The following FXR2 variants were observed in gnomAD, a reference collection of about 807,000 sequenced individuals.
FXR2 encodes FMR1 autosomal homolog 2, also known as RNA-binding protein FXR2.
In FXR2, 9 loss-of-function variants were observed where a neutral mutation model predicts 87.3. The ratio of observed to expected loss-of-function variants is 0.10; its 90% CI spans 0.06 to 0.18. The LOEUF (loss-of-function observed/expected upper bound fraction) is 0.18. FXR2 is among the 10% of genes least tolerant of loss of function. The probability of loss-of-function intolerance (pLI) is 1.00; values close to 1 mark genes in which losing one functional copy is unlikely to be tolerated. For missense variants in FXR2, 661 were observed against 893.6 expected (o/e 0.74, Z 3.32); for synonymous variants, 331 against 328.3 (o/e 1.01, Z -0.09).
chr17:7,592,441 C>T lies in FXR2; in HGVS notation c.1825+63G>A, dbSNP rs2071670615. On this transcript the variant is annotated intron_variant, in intron 15 of 16. Coordinates refer to ENST00000250113, the MANE Select transcript of FXR2 (RefSeq NM_004860.4). This position sits in a 1 kb window ranked among gnomAD's most constrained non-coding sequence, Gnocchi z 4.8. ...ACTGAACCCGAACCCCTGATTTTCACAGGGGTGAGCATCCCATTCTCTCAG... is the reference window on the plus strand; with the variant it reads ...ACTGAACCCGAACCCCTGATTTTCATAGGGGTGAGCATCCCATTCTCTCAG... The T allele has an allele frequency of 6.4e-7, 1 of 1,564,166 alleles. No homozygotes were observed. The highest frequency in any genetic ancestry group is 1.1e-5 in the South Asian group (1 of 90,124).
intron 6 of FXR2, 81 bp downstream of exon 6, chr17:7,602,828 C>T (rs900856333): frequency 1.4e-6 from 1 of 723,002 alleles, no homozygotes; most frequent in South Asian, 1.6e-5. Flanking sequence ...TTAAGCCCTT[C>T]TCTTTCTGCA....
At chr17:7,612,840 C>CA (rs931890928) in intron 1 of FXR2, among the ~76,000 whole-genome samples, 17 of 151,276 alleles carry the variant, frequency 1.1e-4, no homozygotes, top group Non-Finnish European at 2.4e-4. Context: ...ACTAAAAATA[C>CA]AAAAAAATAG....
chr17:7,602,788 A>T, intron 6 of FXR2, 121 bp downstream of exon 6: 1 of 616,902 alleles, frequency 1.6e-6, no homozygotes, highest in East Asian at 2.8e-5. Flanking sequence ...GGAGCAATAA[A>T]GTCCTCTTGA....
chr17:7,595,683 A>C lies in FXR2; in HGVS notation c.831+141T>G, dbSNP rs2071701891. The C allele has an allele frequency of 6.3e-6, 4 of 635,960 alleles. No homozygotes were observed. The allele number at this position is 635,960 out of a possible 1,614,324, so 39.4% of individuals were successfully genotyped here. A position where few individuals can be genotyped will look rare whatever the true frequency, so the allele number is the denominator to read the frequency against. ...GGCTGGTCTCAAACTCCTAGGCTCA[A>C]GTGATCCTCTCACTTTGACCTCCGA... On this transcript the variant is annotated intron_variant, in intron 8 of 16. Transcript: ENST00000250113. The surrounding 1 kb of genome is among the most constrained non-coding windows in gnomAD (Gnocchi z 4.7).
At chr17:7,608,535 T>C (rs1189987947) in intron 1 of FXR2, among the ~76,000 whole-genome samples, 5 of 151,326 alleles carry the variant, frequency 3.3e-5, no homozygotes, top group Non-Finnish European at 5.9e-5. Context: ...TGAAAATCAC[T>C]TGAAGCCAGG....
chr17:7,603,099 C>A, intron 5 of FXR2, 97 bp from the exon 6 acceptor site: 2 of 655,652 alleles, frequency 3.1e-6, no homozygotes, highest in East Asian at 5.6e-5. Context: ...GTAATCCTAG[C>A]ACTTTGGGAG....
chr17:7,609,955 C>CATATATATGT (rs1555572226), intron 1 of FXR2, among the ~76,000 whole-genome samples: 11 of 86,414 alleles, frequency 1.3e-4, no homozygotes, highest in Admixed American at 1.1e-3. Flanking sequence ...TATATGTATA[C>CATATATATGT]ATATATATAC....
At position 7,591,928 on chromosome 17, in the gene FXR2, G is replaced by A. The variant is rs2071665040; in HGVS notation, c.1927-3C>T. ...GGAAGCTTGCTGACAGAGTCACCCT[G>A]AGGGGAAAGTGGGAAAGAAAACAGA... On this transcript the variant is annotated splice_polypyrimidine_tract_variant and splice_region_variant and intron_variant, in intron 16 of 16. Transcript: ENST00000250113. This position sits in a 1 kb window ranked among gnomAD's most constrained non-coding sequence, Gnocchi z 4.0. 1 of 1,545,772 alleles carries A rather than the reference G, an allele frequency of 6.5e-7. No individual in the cohort carries two copies. The highest frequency in any genetic ancestry group is 1.1e-5 in the South Asian group (1 of 89,350).
chr17:7,614,045 G>C, intron 1 of FXR2: 2 of 465,806 alleles, frequency 4.3e-6, no homozygotes, highest in South Asian at 3.1e-5. Context: ...TTCCCAAAGG[G>C]ACCGTGTGGA....
At chr17:7,598,127 C>A (rs192599516) in intron 7 of FXR2, among the ~76,000 whole-genome samples, 52 of 152,250 alleles carry the variant, frequency 3.4e-4, no homozygotes, top group Admixed American at 2.2e-3. Context: ...CCCCCCTTTC[C>A]ATCTGTCATT....
chr17:7,606,568 G>A (rs751516270), intron 1 of FXR2, among the ~76,000 whole-genome samples: 2 of 152,224 alleles, frequency 1.3e-5, no homozygotes, highest in Non-Finnish European at 2.9e-5. Context: ...TGTCGAGAGA[G>A]AAGGGCCTAC....
chr17:7,609,372 G>T (rs2071830502), intron 1 of FXR2, among the ~76,000 whole-genome samples: 1 of 152,048 alleles, frequency 6.6e-6, no homozygotes, highest in African/African-American at 2.4e-5. Context: ...CGTCTTTAGG[G>T]ATATGTCTTG....
At chr17:7,604,240 T>C (rs114529764) in intron 3 of FXR2, among the ~76,000 whole-genome samples, 160 bp from the exon 4 acceptor site, 4,653 of 152,042 alleles carry the variant, frequency 0.031, 218 homozygotes, top group African/African-American at 0.11. Flanking sequence ...AAGACCAGCT[T>C]GGGCAACATA....
intron 1 of FXR2, among the ~76,000 whole-genome samples, chr17:7,608,067 A>T (rs1023015113): frequency 6.6e-6 from 1 of 152,112 alleles, no homozygotes; most frequent in African/African-American, 2.4e-5. Flanking sequence ...CTGGGATTAC[A>T]GGTATGAACC....
rs2150939140 is a variant in FXR2 at position 7,591,441 on chromosome 17, A to G, written c.*389T>C. The G allele has an allele frequency of 4.5e-6, 1 of 224,466 alleles. No individual in the cohort carries two copies. Among genetic ancestry groups the G allele is most frequent in the South Asian group, 5.3e-5 (1 of 18,968 alleles). 13.9% of individuals were successfully genotyped at this position (224,466 alleles called of 1,614,324 possible). On this transcript the variant is annotated 3_prime_UTR_variant, in exon 17 of 17. Coordinates refer to ENST00000250113, the MANE Select transcript of FXR2 (RefSeq NM_004860.4). This position sits in a 1 kb window ranked among gnomAD's most constrained non-coding sequence, Gnocchi z 4.0. The stretch of plus-strand genomic sequence containing the variant: ...CTTCCACAGTGATGAGGCCCCAGAA[A>G]TGGGGGGTACAGGATGGGAGGAGGG...
Position 7,596,065 on chromosome 17 carries a change from T to C in FXR2, c.661-71A>G, listed in dbSNP as rs1022972771. On this transcript the variant is annotated intron_variant, in intron 7 of 16. Coordinates refer to ENST00000250113, the MANE Select transcript of FXR2 (RefSeq NM_004860.4). ...AGTCCCAGGCACACGACCCTTTGCATAACTTAAATAAGGAAAACTGTGTGA... is the reference window on the plus strand; with the variant it reads ...AGTCCCAGGCACACGACCCTTTGCACAACTTAAATAAGGAAAACTGTGTGA... 1.8e-5 allele frequency: 20 copies of C among 1,109,076 alleles called. No individual in the cohort carries two copies. In the African/African-American group the frequency reaches 2.0e-4, roughly 11 times the overall value. 68.7% of individuals were successfully genotyped at this position (1,109,076 alleles called of 1,614,324 possible).
Position 7,611,477 on chromosome 17 carries a change from G to A in FXR2, c.81+2975C>T, listed in dbSNP as rs536628106. Among the ~76,000 whole-genome samples the A allele has an allele frequency of 3.1e-4, 47 of 152,128 alleles. 1 individual carries two copies. The highest frequency in any genetic ancestry group is 5.6e-4 in the Non-Finnish European group (38 of 68,008). On this transcript the variant is annotated intron_variant, in intron 1 of 16. Coordinates refer to ENST00000250113, the MANE Select transcript of FXR2 (RefSeq NM_004860.4). The stretch of plus-strand genomic sequence containing the variant: ...GAAGTCAGGAGTCAGAAACCAGCCT[G>A]GCCAACATAGCGAAACCCCGTCTCT...
Position 7,592,997 on chromosome 17 carries a change from T to G in FXR2, c.1515A>C (p.Ser505=). ...APRPTSRYNS[S]SISSVLKDPD... ...GCTGTCTGGTACCTGAGCTAATAGA[T>G]GAAGAATTGTATCTCGAAGTGGGCC... is the stretch of plus-strand genomic sequence containing the variant. Residue 505 remains serine (S), a synonymous_variant, in exon 13 of 17, where the codon TCA becomes TCC. Transcript: ENST00000250113. The surrounding 1 kb of genome is among the most constrained non-coding windows in gnomAD (Gnocchi z 4.8). 1 of 1,572,190 alleles carries G rather than the reference T, an allele frequency of 6.4e-7. No individual in the cohort carries two copies. The highest frequency in any genetic ancestry group is 8.6e-7 in the Non-Finnish European group (1 of 1,161,288).
chr17:7,602,751 T>C, intron 6 of FXR2, 158 bp downstream of exon 6: 1 of 529,866 alleles, frequency 1.9e-6, no homozygotes, highest in South Asian at 2.6e-5. Context: ...AAAAAAAAGG[T>C]AGGGCTACCT....
Sources: allele counts gnomAD v4.1 joint callset (sites outside exome capture counted in the v4.1 genomes callset), GRCh38; gene constraint gnomAD v4.1.1; non-coding constraint Gnocchi (gnomAD v3.1); transcripts MANE v1.5; gene names NCBI Gene and HGNC (gene_info 2026-07-23, HGNC 2026-07-21).